TMPRSS11D: variants seen among roughly 807,000 people sequenced by gnomAD.
TMPRSS11D encodes the protein transmembrane serine protease 11D, also known as transmembrane protease serine 11D.
Under a neutral mutation model 44.4 loss-of-function variants are expected in TMPRSS11D, and 32 were observed. The observed-to-expected ratio is 0.72, with a 90% CI of 0.54 to 0.97. The LOEUF (loss-of-function observed/expected upper bound fraction) is 0.97, where lower values mean the gene tolerates loss of function less well. Among genes scored for constraint, TMPRSS11D ranks in the 50% least tolerant of loss-of-function variants. The pLI is 0.00. For synonymous variants in TMPRSS11D, 179 were observed against 177.9 expected (o/e 1.01, Z -0.05); for missense variants, 446 against 502.6 (o/e 0.89, Z 1.08).
chr4:67,824,449 T>A (rs1009059381), intron 9 of TMPRSS11D, among the ~76,000 whole-genome samples: 3 of 152,080 alleles, frequency 2.0e-5, no homozygotes, highest in African/African-American at 7.2e-5. Context: ...AAAGCTGTCA[T>A]GAAACTTGAG....
chr4:67,847,823 A>C (rs1206126294), intron 3 of TMPRSS11D, among the ~76,000 whole-genome samples: 1 of 152,212 alleles, frequency 6.6e-6, no homozygotes, highest in Non-Finnish European at 1.5e-5. Context: ...TCAGCACTCC[A>C]ATGAATTGTT....
In TMPRSS11D at chr4:67,822,188, G is replaced by C; in HGVS notation, c.*149C>G. On this transcript the variant is annotated 3_prime_UTR_variant, in exon 10 of 10. Transcript: ENST00000283916. ...TAGAAAACCTTTAATAATAAAGAAAGGTTAAACAGTGTTTGTTAAACCATA... is the reference window on the plus strand; with the variant it reads ...TAGAAAACCTTTAATAATAAAGAAACGTTAAACAGTGTTTGTTAAACCATA... 1.1e-6 allele frequency: 1 copy of C among 881,382 alleles called. No individual in the cohort carries two copies. The highest frequency in any genetic ancestry group is 1.7e-6 in the Non-Finnish European group (1 of 575,948). The allele number at this position is 881,382 out of a possible 1,614,324, so 54.6% of individuals were successfully genotyped here. A position where few individuals can be genotyped will look rare whatever the true frequency, so the allele number is the denominator to read the frequency against.
Position 67,833,311 on chromosome 4 carries a change from C to T in TMPRSS11D, c.585G>A (p.Glu195=), listed in dbSNP as rs759781505. The T allele has an allele frequency of 6.3e-7, 1 of 1,594,552 alleles. No individual in the cohort carries two copies. The highest frequency in any genetic ancestry group is 2.3e-5 in the East Asian group (1 of 42,908). Reference sequence around the variant, plus strand: ...GACTGACTTGCCACGGCCAGCTTCCCTCCTCAGCCTCAGTGCCTCCAAGGA... The same window carrying T: ...GACTGACTTGCCACGGCCAGCTTCCTTCCTCAGCCTCAGTGCCTCCAAGGA... ...QRILGGTEAE[E]GSWPWQVSLR... is the part of the protein sequence containing the mutation. Residue 195 remains glutamate, a synonymous_variant, in exon 7 of 10, where the codon GAG becomes GAA. Coordinates refer to ENST00000283916, the MANE Select transcript of TMPRSS11D (RefSeq NM_004262.3).
rs545170542 is a variant in TMPRSS11D at position 67,860,140 on chromosome 4, G to C, written c.9-462C>G. Among the ~76,000 whole-genome samples, 90 of 152,120 alleles carry C rather than the reference G, an allele frequency of 5.9e-4. 1 individual carries two copies. Among genetic ancestry groups the C allele is most frequent in the African/African-American group, 2.1e-3 (87 of 41,496 alleles). On this transcript the variant is annotated intron_variant, in intron 1 of 9. Transcript: ENST00000283916. ...CGAGGAAGATAAAGAAGCAGGGGTG[G>C]GGTGGTGAGGGGGTCAGGACGGTAG...
chr4:67,855,822 T>TC (rs1718622296), intron 2 of TMPRSS11D, among the ~76,000 whole-genome samples: 1 of 152,100 alleles, frequency 6.6e-6, no homozygotes, highest in African/African-American at 2.4e-5. Context: ...ACCAAAAAAC[T>TC]CTTAGATCTG....
chr4:67,883,099 A>G (rs918684898), intron 1 of TMPRSS11D, among the ~76,000 whole-genome samples: 3 of 152,088 alleles, frequency 2.0e-5, no homozygotes, highest in African/African-American at 7.2e-5. Context: ...GAATTTTCCA[A>G]TGTTCAGGAG....
chr4:67,842,676 T>C, intron 3 of TMPRSS11D, 51 bp from the exon 4 acceptor site: 1 of 1,507,830 alleles, frequency 6.6e-7, no homozygotes, highest in South Asian at 1.2e-5. Context: ...GTTCTTCTTC[T>C]CCTTCCTCTC....
chr4:67,842,759 T>C, intron 3 of TMPRSS11D, 134 bp from the exon 4 acceptor site: 1 of 751,466 alleles, frequency 1.3e-6, no homozygotes, highest in South Asian at 1.7e-5. Flanking sequence ...CTAATTCCAT[T>C]GCAAAACACA....
intron 1 of TMPRSS11D, among the ~76,000 whole-genome samples, chr4:67,863,708 A>G (rs1160910394): frequency 7.3e-6 from 1 of 137,262 alleles, no homozygotes; most frequent in Non-Finnish European, 1.6e-5. Context: ...CATTAATCGT[A>G]ACTATTTTAA....
At chr4:67,825,066 C>T (rs961265258) in intron 9 of TMPRSS11D, among the ~76,000 whole-genome samples, 2 of 151,954 alleles carry the variant, frequency 1.3e-5, no homozygotes, top group Non-Finnish European at 2.9e-5. Context: ...TGGGCTAGAT[C>T]CAAATATAAT....
chr4:67,859,555 A>G lies in TMPRSS11D; in HGVS notation c.130+2T>C. 1 of 1,612,780 alleles carries G rather than the reference A, an allele frequency of 6.2e-7. No individual in the cohort carries two copies. The highest frequency in any genetic ancestry group is 1.1e-5 in the South Asian group (1 of 91,026). On this transcript the variant is annotated splice_donor_variant, in intron 2 of 9. Coordinates refer to ENST00000283916, the MANE Select transcript of TMPRSS11D (RefSeq NM_004262.3). LOFTEE classifies it high-confidence loss of function. ...GAAGAGTAATAATGTTCTGGTACTTACCAAAAGCTAAAAAGTAAACAAGTA... is the reference window on the plus strand; with the variant it reads ...GAAGAGTAATAATGTTCTGGTACTTGCCAAAAGCTAAAAAGTAAACAAGTA...
chr4:67,878,480 A>G (rs1330911847), intron 1 of TMPRSS11D, among the ~76,000 whole-genome samples: 1 of 152,178 alleles, frequency 6.6e-6, no homozygotes, highest in African/African-American at 2.4e-5. Context: ...TTAGATAGGT[A>G]TTTGTCTAAT....
chr4:67,835,041 T>C (rs1281955644), intron 6 of TMPRSS11D, 42 bp downstream of exon 6: 1 of 1,583,842 alleles, frequency 6.3e-7, no homozygotes. Context: ...TTACTCTTTA[T>C]GATTTGGCAA....
chr4:67,865,769 G>T (rs1312882051), intron 1 of TMPRSS11D, among the ~76,000 whole-genome samples: 1 of 151,588 alleles, frequency 6.6e-6, no homozygotes, highest in Admixed American at 6.6e-5. Context: ...AATCTACCAG[G>T]TTTAATTTAC....
chr4:67,824,808 C>T (rs1717751986), intron 9 of TMPRSS11D, among the ~76,000 whole-genome samples: 1 of 152,090 alleles, frequency 6.6e-6, no homozygotes. Flanking sequence ...CAACAAATTA[C>T]TCAAGTAAAC....
intron 1 of TMPRSS11D, among the ~76,000 whole-genome samples, chr4:67,864,098 AATTT>A (rs779673442): frequency 2.2e-4 from 34 of 152,154 alleles, no homozygotes; most frequent in Admixed American, 5.9e-4. Context: ...TAATTAGTTT[AATTT>A]ATTTATTACT....
intron 1 of TMPRSS11D, among the ~76,000 whole-genome samples, chr4:67,875,531 T>C (rs1719166839): frequency 6.6e-6 from 1 of 152,160 alleles, no homozygotes; most frequent in African/African-American, 2.4e-5. Context: ...GTCTGTCTGC[T>C]CGTATATTTA....
chr4:67,883,611 A>G (rs1377491089), intron 1 of TMPRSS11D, among the ~76,000 whole-genome samples: 1 of 152,056 alleles, frequency 6.6e-6, no homozygotes, highest in Non-Finnish European at 1.5e-5. Context: ...CAATTTTAAA[A>G]TCCACACACC....
rs1460877822 is a variant in TMPRSS11D at position 67,883,908 on chromosome 4, G to A, written c.8+18C>T. 1 of 1,593,352 alleles carries A rather than the reference G, an allele frequency of 6.3e-7. No homozygotes were observed. Among genetic ancestry groups the A allele is most frequent in the Non-Finnish European group, 8.5e-7 (1 of 1,170,682 alleles). On this transcript the variant is annotated intron_variant, in intron 1 of 9. Transcript: ENST00000283916. ...ATAGTAAAACTTTTAAAGCTACAAAGACAAAAACAGGACTTACCTATACAT... is the reference window on the plus strand; with the variant it reads ...ATAGTAAAACTTTTAAAGCTACAAAAACAAAAACAGGACTTACCTATACAT...
Sources: gnomAD v4.1 joint callset for allele counts (sites outside exome capture counted in the v4.1 genomes callset) on GRCh38, gnomAD v4.1.1 for gene constraint, MANE v1.5 for transcripts, NCBI Gene and HGNC (gene_info 2026-07-23, HGNC 2026-07-21) for gene names.